The following SEM1 variants were observed in gnomAD, a reference collection of about 807,000 sequenced individuals.
SEM1 encodes SEM1 26S proteasome subunit.
In SEM1, 3 loss-of-function variants were observed where a neutral mutation model predicts 12.7. The observed-to-expected ratio is 0.24, with a 90% CI of 0.11 to 0.61. SEM1 has a LOEUF of 0.61. Ranked by LOEUF, SEM1 falls within the 20% of genes least tolerant of loss-of-function variation. The pLI, the probability that SEM1 is intolerant of heterozygous loss-of-function variation, is 0.88. For missense variants in SEM1, 59 were observed against 81.3 expected, an observed-to-expected ratio of 0.73 and a Z score of 1.06; for synonymous variants, 30 against 27.8, an observed-to-expected ratio of 1.08 and a Z score of -0.25.
upstream of SEM1, among the ~76,000 whole-genome samples, chr7:96,501,030 G>A (rs1050874618): frequency 1.3e-5 from 2 of 152,160 alleles, no homozygotes; most frequent in African/African-American, 2.4e-5. Flanking sequence ...ACTGCCTAAA[G>A]ACTATTGTGG....
At chr7:96,576,161 T>C (rs529938099) in intron 2 of SEM1, among the ~76,000 whole-genome samples, 1 of 152,338 alleles carries the variant, frequency 6.6e-6, no homozygotes, top group African/African-American at 2.4e-5. Context: ...ATTTTGTGTT[T>C]TCATAGGCAT....
intron 2 of SEM1, among the ~76,000 whole-genome samples, chr7:96,570,869 T>C (rs1340559645): frequency 6.6e-6 from 1 of 152,132 alleles, no homozygotes; most frequent in East Asian, 1.9e-4. Flanking sequence ...ATCTGTTGTT[T>C]CCTAACTTTT....
chr7:96,704,761 AACTGACT>A (rs1216729256), intron 1 of SEM1, among the ~76,000 whole-genome samples: 3 of 152,200 alleles, frequency 2.0e-5, no homozygotes, highest in Admixed American at 6.5e-5. Flanking sequence ...GCACTAGGTA[AACTGACT>A]AGCATGGTGT....
rs370201898 is a variant in SEM1 at position 96,501,447 on chromosome 7, C to A, written c.*60+5176G>T. On this transcript the variant is annotated intron_variant and NMD_transcript_variant, in intron 3 of 3. Coordinates refer to the SEM1 transcript ENST00000466986. ...AGTATATAGACCTTTCACACACACA[C>A]AAAAAAACCCAATCTTTTTTGATTA... 3.0e-3 allele frequency among the ~76,000 whole-genome samples: 461 copies of A among 151,930 alleles called. 5 individuals carry two copies. Among genetic ancestry groups the A allele is most frequent in the Middle Eastern group, 0.01 (3 of 294 alleles).
Position 96,504,173 on chromosome 7 carries a change from C to T in SEM1, c.*60+2450G>A, listed in dbSNP as rs190801026. Among the ~76,000 whole-genome samples, 8 of 152,238 alleles carry T rather than the reference C, an allele frequency of 5.3e-5. No homozygotes were observed. In the East Asian group the frequency reaches 7.7e-4, roughly 15 times the overall value. On this transcript the variant is annotated intron_variant and NMD_transcript_variant, in intron 3 of 3. Coordinates refer to the SEM1 transcript ENST00000466986. ...CTTTCTGAAGTCCATCTCAGCACCC[C>T]GTGGGGTCCAAACCTCACAGGTATG...
At chr7:96,671,687 G>A (rs897384238), downstream of SEM1, among the ~76,000 whole-genome samples, 10 of 152,170 alleles carry the variant, frequency 6.6e-5, no homozygotes, top group African/African-American at 2.4e-4. Context: ...TTGAAGAGAA[G>A]GGAGGAAAAA....
chr7:96,534,576 C>A (rs1400434835), intron 2 of SEM1, among the ~76,000 whole-genome samples: 1 of 152,044 alleles, frequency 6.6e-6, no homozygotes, highest in Non-Finnish European at 1.5e-5. Context: ...TTGCAATTAT[C>A]TTTTAAGAAA....
At chr7:96,703,970 AAAACAC>A (rs1315697323) in intron 1 of SEM1, among the ~76,000 whole-genome samples, 6 of 86,900 alleles carry the variant, frequency 6.9e-5, no homozygotes, top group African/African-American at 1.7e-4. Context: ...TTGTCTCTTA[AAAACAC>A]ACACACACAC....
chr7:96,518,407 A>G (rs140733286), intron 2 of SEM1, among the ~76,000 whole-genome samples: 1 of 152,276 alleles, frequency 6.6e-6, no homozygotes, highest in East Asian at 1.9e-4. Context: ...TGAGTATAAC[A>G]AAAGTATAAT....
At chr7:96,566,343 A>T (rs1446768985) in intron 2 of SEM1, among the ~76,000 whole-genome samples, 1 of 151,614 alleles carries the variant, frequency 6.6e-6, no homozygotes, top group East Asian at 1.9e-4. Flanking sequence ...ATTACATATT[A>T]TGTTATTTTA....
intron 2 of SEM1, among the ~76,000 whole-genome samples, chr7:96,658,643 C>G (rs573187834): frequency 6.6e-6 from 1 of 152,158 alleles, no homozygotes; most frequent in Non-Finnish European, 1.5e-5. Flanking sequence ...TGTCTGTGCA[C>G]AACTATTGTT....
exon 4 of SEM1, chr7:96,482,529 A>G (rs1802582770): frequency 6.6e-6 from 1 of 152,164 alleles, no homozygotes; most frequent in Non-Finnish European, 1.5e-5. Context: ...AATATACTTT[A>G]CATACAGTCT....
intron 2 of SEM1, among the ~76,000 whole-genome samples, chr7:96,628,837 T>C (rs1205720668): frequency 6.6e-6 from 1 of 152,236 alleles, no homozygotes; most frequent in African/African-American, 2.4e-5. Context: ...GTGGTGTTGA[T>C]GAAATCTCTC....
intron 2 of SEM1, among the ~76,000 whole-genome samples, chr7:96,575,883 G>A (rs935875655): frequency 6.6e-6 from 1 of 152,092 alleles, no homozygotes; most frequent in African/African-American, 2.4e-5. Flanking sequence ...CACCAAAAAA[G>A]GAAATAACCC....
intron 1 of SEM1, among the ~76,000 whole-genome samples, chr7:96,490,367 T>A (rs1006227797): frequency 6.6e-6 from 1 of 152,208 alleles, no homozygotes; most frequent in Non-Finnish European, 1.5e-5. Context: ...CTCAGGGCAT[T>A]TTATAGGGAA....
chr7:96,492,170 G>A (rs888094032), intron 1 of SEM1, among the ~76,000 whole-genome samples: 4 of 151,948 alleles, frequency 2.6e-5, no homozygotes, highest in Admixed American at 1.3e-4. Flanking sequence ...CACCACCATC[G>A]TCTCCAGAAT....
intron 2 of SEM1, among the ~76,000 whole-genome samples, chr7:96,557,419 C>T (rs1262510194): frequency 7.8e-6 from 1 of 128,822 alleles, no homozygotes; most frequent in Admixed American, 8.2e-5. Flanking sequence ...AGACAGGACC[C>T]TCAGCTGCAG....
chr7:96,520,313 G>T (rs1417917635), intron 2 of SEM1, among the ~76,000 whole-genome samples: 1 of 152,092 alleles, frequency 6.6e-6, no homozygotes, highest in Admixed American at 6.6e-5. Context: ...TCAGCTGGGG[G>T]CTCAGTTTTC....
chr7:96,657,486 A>G (rs1400728103), intron 2 of SEM1, among the ~76,000 whole-genome samples: 1 of 152,186 alleles, frequency 6.6e-6, no homozygotes, highest in East Asian at 1.9e-4. Context: ...AAATCAAGGG[A>G]AAAGAGAACC....
Sources: allele counts gnomAD v4.1 joint callset (sites outside exome capture counted in the v4.1 genomes callset), GRCh38; gene constraint gnomAD v4.1.1; transcripts MANE v1.5; gene names NCBI Gene and HGNC (gene_info 2026-07-23, HGNC 2026-07-21).